Variants in ADGRL3 observed in about 807,000 individuals in gnomAD.
ADGRL3 encodes adhesion G protein-coupled receptor L3.
A neutral mutation model predicts 153.5 loss-of-function variants in ADGRL3; 62 were observed. The ratio of observed to expected loss-of-function variants is 0.40; its 90% CI spans 0.33 to 0.50. ADGRL3 has a LOEUF of 0.50. Among genes scored for constraint, ADGRL3 ranks in the 20% least tolerant of loss-of-function variants. The probability of loss-of-function intolerance (pLI) is 0.47; values close to 1 mark genes in which losing one functional copy is unlikely to be tolerated. For missense variants in ADGRL3, 1,641 were observed against 1,859.4 expected (o/e 0.88, Z 2.16); for synonymous variants, 710 against 672.5 (o/e 1.06, Z -0.86).
In ADGRL3 at chr4:61,266,155, C is replaced by A. The variant is rs2092832108; in HGVS notation, c.-240+64390C>A. ...CAATGATTCCATTTTCAGAGAGGTT[C>A]TCTGGGCTTTCTGCTTCATGCCTCC... On this transcript the variant is annotated intron_variant, in intron 1 of 26. Coordinates refer to ENST00000683033, the MANE Select transcript of ADGRL3 (RefSeq NM_001387552.1). Among the ~76,000 whole-genome samples the A allele has an allele frequency of 2.0e-5, 3 of 151,716 alleles. No homozygotes were observed. The South Asian group carries it at 6.2e-4, about 31-fold the overall frequency.
At chr4:61,894,704 C>T (rs1472547714) in intron 10 of ADGRL3, among the ~76,000 whole-genome samples, 1 of 152,094 alleles carries the variant, frequency 6.6e-6, no homozygotes, top group African/African-American at 2.4e-5. Flanking sequence ...TCATTTTTAC[C>T]CATCTGTGTC....
intron 17 of ADGRL3, among the ~76,000 whole-genome samples, chr4:61,972,452 G>A (rs1270308246): frequency 7.9e-5 from 12 of 152,028 alleles, no homozygotes; most frequent in African/African-American, 2.9e-4. Flanking sequence ...AGGTTTGTCA[G>A]AGATCAGATA....
intron 5 of ADGRL3, among the ~76,000 whole-genome samples, chr4:61,606,478 C>T (rs76715968): frequency 0.021 from 3,254 of 152,262 alleles, 91 homozygotes; most frequent in East Asian, 0.12. Context: ...GGCTTGTAGA[C>T]AGACAGGTCC....
chr4:61,362,463 C>T (rs1328240219), intron 1 of ADGRL3, among the ~76,000 whole-genome samples: 2 of 151,960 alleles, frequency 1.3e-5, no homozygotes, highest in Non-Finnish European at 2.9e-5. Context: ...TAACTTCTTC[C>T]TCCTCTAAAA....
intron 1 of ADGRL3, among the ~76,000 whole-genome samples, chr4:61,252,323 G>A (rs915380533): frequency 6.6e-6 from 1 of 151,548 alleles, no homozygotes; most frequent in African/African-American, 2.4e-5. Flanking sequence ...AACAACAGGA[G>A]GTAAATTTTT....
At chr4:61,364,103 G>C (rs972722772) in intron 1 of ADGRL3, among the ~76,000 whole-genome samples, 1 of 151,846 alleles carries the variant, frequency 6.6e-6, no homozygotes, top group Middle Eastern at 3.2e-3. Flanking sequence ...AGGCCAAGCC[G>C]GGTGGATCAC....
Position 61,892,890 on chromosome 4 carries a change from G to T in ADGRL3, c.1715G>T (p.Arg572Leu), listed in dbSNP as rs756595801. 95 of 1,589,862 alleles carry T rather than the reference G, an allele frequency of 6.0e-5. No homozygotes were observed. Among genetic ancestry groups the T allele is most frequent in the Non-Finnish European group, 8.0e-5 (94 of 1,171,772 alleles). Residue 572 changes from arginine (R) to leucine (L), a missense_variant, in exon 10 of 27, where the codon CGA (arginine) becomes CTA (leucine). By Grantham distance (102) the Arg-to-Leu change is moderately radical. Around this residue, in one of 5 missense-constraint regions of ADGRL3, gnomAD observed 734 missense variants for 797.0 expected, o/e 0.92. Coordinates refer to ENST00000683033, the MANE Select transcript of ADGRL3 (RefSeq NM_001387552.1). Reference protein sequence around the residue: ...LEESCEAVEAREIMWFKTRQG... With the variant: ...LEESCEAVEALEIMWFKTRQG... ...GAGAGCTGTGAGGCTGTGGAAGCCC[G>T]AGAAATCATGTGGTTTAAGACTCGT...
At chr4:61,350,239 T>A (rs1487891677) in intron 1 of ADGRL3, among the ~76,000 whole-genome samples, 1 of 152,120 alleles carries the variant, frequency 6.6e-6, no homozygotes, top group East Asian at 1.9e-4. Context: ...AGTACAGTCA[T>A]TATTGTCCAT....
intron 2 of ADGRL3, among the ~76,000 whole-genome samples, chr4:61,390,152 TA>T (rs936486704): frequency 2.0e-5 from 3 of 152,196 alleles, no homozygotes; most frequent in Non-Finnish European, 4.4e-5. Context: ...TTAGTTATTT[TA>T]AAATAAATGT....
chr4:61,389,216 A>G (rs1373108880), intron 2 of ADGRL3, among the ~76,000 whole-genome samples: 1 of 152,150 alleles, frequency 6.6e-6, no homozygotes, highest in African/African-American at 2.4e-5. Flanking sequence ...GTTTAACACA[A>G]CAACAATGGG....
intron 4 of ADGRL3, among the ~76,000 whole-genome samples, chr4:61,532,533 C>G (rs549998723): frequency 5.7e-4 from 75 of 131,100 alleles, no homozygotes; most frequent in Non-Finnish European, 9.3e-4. Flanking sequence ...ATGCTGCATG[C>G]GCGCGCGCGC....
rs545255284 is a variant in ADGRL3 at position 61,767,489 on chromosome 4, T to C, written c.1399+33935T>C. Among the ~76,000 whole-genome samples the C allele has an allele frequency of 3.9e-3, 591 of 152,154 alleles. 1 individual carries two copies. The highest frequency in any genetic ancestry group is 6.9e-3 in the Non-Finnish European group (472 of 67,986). The stretch of plus-strand genomic sequence containing the variant: ...AGAAGGGGACGGGCTTACCTTCCAC[T>C]GTGAGAGTTACCCGAAGCTCGGCGT... On this transcript the variant is annotated intron_variant, in intron 8 of 26. Coordinates refer to ENST00000683033, the MANE Select transcript of ADGRL3 (RefSeq NM_001387552.1).
chr4:62,000,448 A>T (rs1401943352), intron 21 of ADGRL3, among the ~76,000 whole-genome samples: 1 of 152,042 alleles, frequency 6.6e-6, no homozygotes, highest in East Asian at 1.9e-4. Flanking sequence ...TTAGAAAAAT[A>T]ATTAAACATG....
chr4:62,002,568 A>C (rs564014734), intron 21 of ADGRL3, among the ~76,000 whole-genome samples: 25 of 152,116 alleles, frequency 1.6e-4, no homozygotes, highest in Admixed American at 9.8e-4. Flanking sequence ...AAAAATAATA[A>C]AAAATAGAGT....
chr4:61,763,914 T>C (rs2096942170), intron 8 of ADGRL3, among the ~76,000 whole-genome samples: 1 of 152,208 alleles, frequency 6.6e-6, no homozygotes, highest in Non-Finnish European at 1.5e-5. Context: ...CTAAATCCAG[T>C]AGAATAAAAA....
In ADGRL3 at chr4:61,834,412, A is replaced by C. The variant is rs141654790; in HGVS notation, c.1480+20523A>C. ...CTTTGCTATTGTGAATAGTGCCACAATAAACATACGTGTGCATGTGTCTTT... is the reference window on the plus strand; with the variant it reads ...CTTTGCTATTGTGAATAGTGCCACACTAAACATACGTGTGCATGTGTCTTT... On this transcript the variant is annotated intron_variant, in intron 9 of 26. Coordinates refer to ENST00000683033, the MANE Select transcript of ADGRL3 (RefSeq NM_001387552.1). 6.6e-4 allele frequency among the ~76,000 whole-genome samples: 101 copies of C among 152,288 alleles called. 1 individual carries two copies. The highest frequency in any genetic ancestry group is 2.4e-3 in the African/African-American group (99 of 41,540).
intron 2 of ADGRL3, among the ~76,000 whole-genome samples, chr4:61,413,010 A>G (rs1260670909): frequency 1.3e-5 from 2 of 152,142 alleles, no homozygotes; most frequent in Non-Finnish European, 2.9e-5. Context: ...TGATCTGTGT[A>G]TTAGGTTATG....
chr4:61,681,694 C>T (rs1055055682), intron 6 of ADGRL3, among the ~76,000 whole-genome samples: 18 of 151,954 alleles, frequency 1.2e-4, no homozygotes, highest in African/African-American at 3.1e-4. Context: ...ATGTATTACA[C>T]GTTTAGCATT....
At chr4:61,918,773 A>G (rs949232635) in intron 13 of ADGRL3, among the ~76,000 whole-genome samples, 5 of 152,220 alleles carry the variant, frequency 3.3e-5, no homozygotes, top group African/African-American at 1.2e-4. Flanking sequence ...TCCAAAGCCC[A>G]CATGTCTACA....
Sources: allele counts gnomAD v4.1 joint callset (sites outside exome capture counted in the v4.1 genomes callset), GRCh38; gene constraint gnomAD v4.1.1; regional missense constraint gnomAD v4.1.1; transcripts MANE v1.5; gene names NCBI Gene and HGNC (gene_info 2026-07-23, HGNC 2026-07-21).